The following RIDA variants were observed in gnomAD, a reference collection of about 807,000 sequenced individuals.
RIDA encodes reactive intermediate imine deaminase A, also known as 2-iminobutanoate/2-iminopropanoate deaminase.
A neutral mutation model predicts 17.8 loss-of-function variants in RIDA; 17 were observed. The observed-to-expected ratio is 0.96, with a 90% CI of 0.65 to 1.43. The LOEUF (loss-of-function observed/expected upper bound fraction) is 1.43, where lower values mean the gene tolerates loss of function less well. RIDA is among the 40% of genes most tolerant of loss of function. The probability of loss-of-function intolerance (pLI) is 0.00; values close to 1 mark genes in which losing one functional copy is unlikely to be tolerated. For synonymous variants in RIDA, 48 were observed against 55.7 expected, an observed-to-expected ratio of 0.86 and a Z score of 0.62; for missense variants, 158 against 161.7, an observed-to-expected ratio of 0.98 and a Z score of 0.12.
At chr8:98,114,403 G>A (rs1471443772) in intron 1 of RIDA, among the ~76,000 whole-genome samples, 2 of 149,818 alleles carry the variant, frequency 1.3e-5, no homozygotes, top group East Asian at 3.9e-4. Flanking sequence ...TTGGCTCACC[G>A]CGACCTCTGC....
intron 2 of RIDA, 46 bp downstream of exon 2, chr8:98,108,599 TA>T: frequency 8.5e-7 from 1 of 1,173,442 alleles, no homozygotes; most frequent in Non-Finnish European, 1.3e-6. Flanking sequence ...TCTTCAACAT[TA>T]AAAAGGTAGT....
chr8:98,106,053 C>A (rs759955236), intron 3 of RIDA, 47 bp from the exon 4 acceptor site: 2 of 1,349,412 alleles, frequency 1.5e-6, no homozygotes, highest in South Asian at 1.2e-5. Flanking sequence ...TTGGTCTGAC[C>A]CAAAACATTA....
chr8:98,104,643 T>C, intron 4 of RIDA, 99 bp from the exon 5 acceptor site: 1 of 704,874 alleles, frequency 1.4e-6, no homozygotes, highest in Non-Finnish European at 2.5e-6. Context: ...TCTATTGTTA[T>C]TCAATATCTA....
chr8:98,109,303 G>A (rs1221219491), intron 1 of RIDA, among the ~76,000 whole-genome samples: 1 of 151,914 alleles, frequency 6.6e-6, no homozygotes, highest in Non-Finnish European at 1.5e-5. Context: ...AATATAAGAA[G>A]AACTCTTAAA....
Position 98,102,827 on chromosome 8 carries a change from C to G in RIDA, c.*15G>C, listed in dbSNP as rs888465512. The G allele has an allele frequency of 6.3e-7, 1 of 1,578,384 alleles. No individual in the cohort carries two copies. Among genetic ancestry groups the G allele is most frequent in the Non-Finnish European group, 8.7e-7 (1 of 1,155,788 alleles). On this transcript the variant is annotated 3_prime_UTR_variant, in exon 6 of 6. Transcript: ENST00000254878. ...AAAATGTTAACAATTCCAGACTACA[C>G]AGCACTGGGCCCACTTATAGTGATG...
chr8:98,106,150 A>G, intron 3 of RIDA, 122 bp downstream of exon 3: 3 of 1,134,092 alleles, frequency 2.6e-6, no homozygotes, highest in South Asian at 1.3e-5. Context: ...AACAGTTGCT[A>G]TTTAAAACAA....
rs780526050 is a variant in RIDA at position 98,117,062 on chromosome 8, G to A, written c.35C>T (p.Ala12Val). ...SSLIRRVIST[A>V]KAPGAIGPYS... ...GGGTCCAATGGCCCCTGGGGCTTTC[G>A]CGGTGCTGATCACCCTTCTGATCAA... is the stretch of plus-strand genomic sequence containing the variant. The change falls in exon 1 of 6, where the codon GCG becomes GTG. Residue 12 changes from alanine to valine, a missense_variant. Transcript: ENST00000254878. 1.4e-5 allele frequency: 22 copies of A among 1,614,164 alleles called. No homozygotes were observed. The highest frequency in any genetic ancestry group is 1.8e-5 in the Non-Finnish European group (21 of 1,179,998).
intron 1 of RIDA, among the ~76,000 whole-genome samples, chr8:98,109,383 GAGTT>G (rs770283816): frequency 9.9e-5 from 15 of 151,894 alleles, no homozygotes; most frequent in Non-Finnish European, 2.1e-4. Context: ...AATATACAAA[GAGTT>G]AGAGTACATG....
chr8:98,108,915 T>A (rs1815674682), intron 1 of RIDA, 164 bp from the exon 2 acceptor site: 6 of 548,386 alleles, frequency 1.1e-5, no homozygotes, highest in Non-Finnish European at 1.9e-5. Flanking sequence ...AAGATATCTT[T>A]AAGAAAATGA....
chr8:98,106,209 A>C, intron 3 of RIDA, 63 bp downstream of exon 3: 2 of 1,489,670 alleles, frequency 1.3e-6, no homozygotes, highest in Non-Finnish European at 1.9e-6. Flanking sequence ...TGGATGCCAT[A>C]TATTTTTCAA....
chr8:98,112,640 T>TA (rs747163609), intron 1 of RIDA, among the ~76,000 whole-genome samples: 5 of 152,244 alleles, frequency 3.3e-5, no homozygotes, highest in Non-Finnish European at 5.9e-5. Flanking sequence ...CTGGCTTTCA[T>TA]ACTGGCCCAC....
At chr8:98,106,628 C>A (rs757477367) in intron 2 of RIDA, 1 of 284,910 alleles carries the variant, frequency 3.5e-6, no homozygotes, top group Non-Finnish European at 6.6e-6. Flanking sequence ...GTTCTTCATT[C>A]GATATCACGT....
intron 3 of RIDA, 56 bp from the exon 4 acceptor site, chr8:98,106,062 T>C: frequency 7.7e-7 from 1 of 1,302,774 alleles, no homozygotes; most frequent in Non-Finnish European, 1.1e-6. Flanking sequence ...CCCAAAACAT[T>C]ACTTAGAAAA....
chr8:98,110,851 T>G (rs1290994015), intron 1 of RIDA, among the ~76,000 whole-genome samples: 3 of 151,988 alleles, frequency 2.0e-5, no homozygotes, highest in Non-Finnish European at 2.9e-5. Context: ...CCCCATGCTG[T>G]TCTCATGATA....
intron 1 of RIDA, 112 bp from the exon 2 acceptor site, chr8:98,108,863 G>C (rs1384338435): frequency 6.5e-6 from 4 of 614,704 alleles, no homozygotes; most frequent in Middle Eastern, 3.0e-4. Context: ...AAAAAAAACA[G>C]ATACATTGGA....
At chr8:98,104,048 T>C (rs558977254) in intron 5 of RIDA, among the ~76,000 whole-genome samples, 5 of 152,042 alleles carry the variant, frequency 3.3e-5, no homozygotes, top group African/African-American at 1.2e-4. Context: ...CTTTCAGACT[T>C]TAAGTCCCTG....
Position 98,106,044 on chromosome 8 carries a change from T to C in RIDA, c.227-38A>G, listed in dbSNP as rs370514156. 40 of 1,418,918 alleles carry C rather than the reference T, an allele frequency of 2.8e-5. No individual in the cohort carries two copies. In the Middle Eastern group the frequency reaches 5.3e-4, roughly 19 times the overall value. The allele number at this position is 1,418,918 out of a possible 1,614,324, so 87.9% of individuals were successfully genotyped here. On this transcript the variant is annotated intron_variant, in intron 3 of 5. Transcript: ENST00000254878. ...AACATTGTCATTAGGTTTAGTTATTTGGTCTGACCCAAAACATTACTTAGA... is the reference window on the plus strand; with the variant it reads ...AACATTGTCATTAGGTTTAGTTATTCGGTCTGACCCAAAACATTACTTAGA...
intron 2 of RIDA, chr8:98,106,699 T>G (rs1256138343): frequency 6.2e-6 from 1 of 160,140 alleles, no homozygotes; most frequent in African/African-American, 2.4e-5. Context: ...AATATTTGAC[T>G]TCAAAGGGTT....
rs568568919 is a variant in RIDA at position 98,114,709 on chromosome 8, G to T, written c.65+2323C>A. Among the ~76,000 whole-genome samples the T allele has an allele frequency of 7.0e-4, 106 of 152,198 alleles. 2 individuals are homozygous for T. In the South Asian group the frequency reaches 0.021, roughly 31 times the overall value. On this transcript the variant is annotated intron_variant, in intron 1 of 5. Coordinates refer to ENST00000254878, the MANE Select transcript of RIDA (RefSeq NM_005836.3). ...TCAAATGGTATTATTTATGCCCATT[G>T]AGAAGACAAAGAAGCAAACTAAGAG... is the stretch of plus-strand genomic sequence containing the variant.
Sources: gnomAD v4.1 joint callset for allele counts (sites outside exome capture counted in the v4.1 genomes callset) on GRCh38, gnomAD v4.1.1 for gene constraint, MANE v1.5 for transcripts, NCBI Gene and HGNC (gene_info 2026-07-23, HGNC 2026-07-21) for gene names.